FRMD4A: variants seen among roughly 807,000 people sequenced by gnomAD.
FRMD4A encodes the protein FERM domain containing 4A, also known as FERM domain-containing protein 4A.
Under a neutral mutation model 129.1 loss-of-function variants are expected in FRMD4A, and 29 were observed. The observed-to-expected ratio is 0.22, with a 90% CI of 0.17 to 0.31. The LOEUF (loss-of-function observed/expected upper bound fraction) is 0.31. Ranked by LOEUF, FRMD4A falls within the 10% of genes least tolerant of loss-of-function variation. The pLI is 1.00. For synonymous variants in FRMD4A, 634 were observed against 571.6 expected, an observed-to-expected ratio of 1.11 and a Z score of -1.56; for missense variants, 1,272 against 1,375.8, an observed-to-expected ratio of 0.92 and a Z score of 1.19.
At chr10:14,074,205 A>C (rs903410357) in intron 2 of FRMD4A, 1 of 152,324 alleles carries the variant, frequency 6.6e-6, no homozygotes, top group Admixed American at 6.5e-5. Flanking sequence ...CTGACAGTAC[A>C]GAATGGGGTT....
chr10:13,681,897 G>A (rs2084626256), intron 15 of FRMD4A, among the ~76,000 whole-genome samples: 1 of 152,122 alleles, frequency 6.6e-6, no homozygotes, highest in Non-Finnish European at 1.5e-5. Flanking sequence ...AATATATTAA[G>A]TGTTACATGA....
intron 2 of FRMD4A, among the ~76,000 whole-genome samples, chr10:14,040,342 G>A (rs1009406499): frequency 6.6e-6 from 1 of 152,090 alleles, no homozygotes; most frequent in Non-Finnish European, 1.5e-5. Flanking sequence ...AAGCAAAGCT[G>A]GGTAAGAAGT....
intron 3 of FRMD4A, among the ~76,000 whole-genome samples, chr10:13,844,241 A>C (rs147405607): frequency 0.022 from 3,332 of 152,280 alleles, 57 homozygotes; most frequent in Non-Finnish European, 0.033. Context: ...TTTAGACATC[A>C]CATAGTCATT....
intron 2 of FRMD4A, among the ~76,000 whole-genome samples, chr10:14,204,153 G>A (rs959204238): frequency 5.9e-5 from 9 of 152,190 alleles, no homozygotes; most frequent in African/African-American, 2.2e-4. Flanking sequence ...GCTGGGTGTG[G>A]TGGCTCATGC....
chr10:14,292,348 T>C (rs1213801292), intron 2 of FRMD4A, among the ~76,000 whole-genome samples: 1 of 152,236 alleles, frequency 6.6e-6, no homozygotes, highest in East Asian at 1.9e-4. Context: ...CATGCTTATA[T>C]GGAGATTTGT....
rs895225734 is a variant in FRMD4A, at chr10:14,159,237, G to T, written c.45+170821C>A. On this transcript the variant is annotated intron_variant, in intron 2 of 24. Coordinates refer to ENST00000357447, the MANE Select transcript of FRMD4A (RefSeq NM_018027.5). ...GGGAGTAAATGTTCCCTAGCTCAAG[G>T]CTGTGCAATACAATTATGATTTGAG... Among the ~76,000 whole-genome samples, 3 of 152,296 alleles carry T rather than the reference G, an allele frequency of 2.0e-5. No individual in the cohort carries two copies. In the South Asian group the frequency reaches 6.2e-4, roughly 32 times the overall value.
chr10:14,309,445 G>A lies in FRMD4A; in HGVS notation c.45+20613C>T, dbSNP rs115888802. Among the ~76,000 whole-genome samples, 410 of 152,130 alleles carry A rather than the reference G, an allele frequency of 2.7e-3. 4 individuals carry two copies. The highest frequency in any genetic ancestry group is 9.3e-3 in the African/African-American group (384 of 41,474). On this transcript the variant is annotated intron_variant, in intron 2 of 24. Coordinates refer to ENST00000357447, the MANE Select transcript of FRMD4A (RefSeq NM_018027.5). ...AGCCTGGGCCACAGAGGGAGACCTT[G>A]TCACAAAAACAAAAACAAAACAAAA...
At chr10:14,203,490 G>A (rs1328005952) in intron 2 of FRMD4A, among the ~76,000 whole-genome samples, 1 of 152,234 alleles carries the variant, frequency 6.6e-6, no homozygotes, top group Admixed American at 6.5e-5. Flanking sequence ...AAAGCAGGCG[G>A]TGATAATGGT....
chr10:14,326,442 T>C (rs1843278786), intron 2 of FRMD4A: 1 of 155,696 alleles, frequency 6.4e-6, no homozygotes, highest in Non-Finnish European at 1.4e-5. Flanking sequence ...CCATTGACAG[T>C]TTCCCAAATT....
chr10:13,715,201 C>A (rs985321911), intron 12 of FRMD4A, among the ~76,000 whole-genome samples: 1 of 152,142 alleles, frequency 6.6e-6, no homozygotes, highest in East Asian at 1.9e-4. Context: ...AGGTCAGGAG[C>A]CCTCAGTTCT....
chr10:14,027,564 C>T (rs934428043), intron 2 of FRMD4A, among the ~76,000 whole-genome samples: 4 of 152,100 alleles, frequency 2.6e-5, no homozygotes, highest in Non-Finnish European at 5.9e-5. Flanking sequence ...TGCAGTGAGC[C>T]GAGATGGCGC....
rs1555021803 is a variant in FRMD4A, at chr10:14,039,399, C to CTATCT, written c.46-180488_46-180487insAGATA. Among the ~76,000 whole-genome samples, 591 of 143,218 alleles carry CTATCT rather than the reference C, an allele frequency of 4.1e-3. 5 individuals are homozygous for CTATCT. Among genetic ancestry groups the CTATCT allele is most frequent in the East Asian group, 0.031 (157 of 5,084 alleles). 94.0% of individuals were successfully genotyped at this position (143,218 alleles called of 152,430 possible). A position where few individuals can be genotyped will look rare whatever the true frequency, so the allele number is the denominator to read the frequency against. On this transcript the variant is annotated intron_variant, in intron 2 of 24. Transcript: ENST00000357447. ...CCATCCATCCATCCATCCATCCATC[C>CTATCT]ATCCATCCATCTATCTATCTATCTA...
intron 2 of FRMD4A, among the ~76,000 whole-genome samples, chr10:14,066,988 C>T (rs2131710002): frequency 6.6e-6 from 1 of 152,266 alleles, no homozygotes; most frequent in African/African-American, 2.4e-5. Context: ...AGAGCTCATA[C>T]ACAAACTTGC....
intron 17 of FRMD4A, among the ~76,000 whole-genome samples, chr10:13,670,052 A>G (rs2083390905): frequency 6.6e-6 from 1 of 152,098 alleles, no homozygotes; most frequent in Non-Finnish European, 1.5e-5. Flanking sequence ...TCTTCCATAG[A>G]TCACACATCA....
intron 2 of FRMD4A, among the ~76,000 whole-genome samples, chr10:14,191,659 C>A (rs933848315): frequency 2.6e-5 from 4 of 152,184 alleles, no homozygotes; most frequent in Non-Finnish European, 5.9e-5. Context: ...AATCATCAGT[C>A]TTTAACTATA....
At chr10:14,311,009 G>T (rs866927737) in intron 2 of FRMD4A, among the ~76,000 whole-genome samples, 1 of 152,052 alleles carries the variant, frequency 6.6e-6, no homozygotes, top group Non-Finnish European at 1.5e-5. Flanking sequence ...ACTAGCATGG[G>T]GTTCAAACAC....
rs371741872 is a variant in FRMD4A, at chr10:13,871,785, C to A, written c.46-12873G>T. Among the ~76,000 whole-genome samples the A allele has an allele frequency of 6.9e-4, 105 of 152,350 alleles. No individual in the cohort carries two copies. The South Asian group carries it at 9.5e-3, about 14-fold the overall frequency. On this transcript the variant is annotated intron_variant, in intron 2 of 24. Coordinates refer to ENST00000357447, the MANE Select transcript of FRMD4A (RefSeq NM_018027.5). The stretch of plus-strand genomic sequence containing the variant: ...GGGGATGCCAAGCGTGGGAAGGAGG[C>A]TCCAGGCACACATCCCACTCCTGTC...
At chr10:13,729,558 A>G (rs2090181023) in intron 12 of FRMD4A, 1 of 152,218 alleles carries the variant, frequency 6.6e-6, no homozygotes, top group South Asian at 2.1e-4. Flanking sequence ...ATTTCATTCA[A>G]AAATCTTTAC....
intron 2 of FRMD4A, among the ~76,000 whole-genome samples, chr10:13,957,876 G>A (rs1360226971): frequency 6.6e-6 from 1 of 150,616 alleles, no homozygotes; most frequent in Non-Finnish European, 1.5e-5. Flanking sequence ...GATTACATAC[G>A]GCGACTAGGA....
Sources: gnomAD v4.1 joint callset for allele counts (sites outside exome capture counted in the v4.1 genomes callset) on GRCh38, gnomAD v4.1.1 for gene constraint, MANE v1.5 for transcripts, NCBI Gene and HGNC (gene_info 2026-07-23, HGNC 2026-07-21) for gene names.